The following NMBR variants were observed in gnomAD, a reference collection of about 807,000 sequenced individuals.
NMBR encodes neuromedin-B receptor.
Under a neutral mutation model 20.5 loss-of-function variants are expected in NMBR, and 16 were observed. The observed-to-expected ratio is 0.78, with a 90% CI of 0.53 to 1.19. The LOEUF (loss-of-function observed/expected upper bound fraction) is 1.19. Among genes scored for constraint, NMBR ranks in the 50% most tolerant of loss-of-function variants. The pLI is 0.00. For missense variants in NMBR, 582 were observed against 499.1 expected, an observed-to-expected ratio of 1.17 and a Z score of -1.58; for synonymous variants, 212 against 196.6, an observed-to-expected ratio of 1.08 and a Z score of -0.65.
At position 142,078,646 on chromosome 6, in the gene NMBR, A is replaced by C. The variant is rs745418456; in HGVS notation, c.680T>G (p.Ile227Ser). ...AATATGATAATAATAAATGCTAATA[A>C]TAGCAAGTGGTATGAGGAAATAGAC... is the stretch of plus-strand genomic sequence containing the variant. ...FLVYFLIPLAIISIYYYHIAK... is the reference protein window; with the variant it reads ...FLVYFLIPLASISIYYYHIAK... The change falls in exon 3 of 4, where the codon ATT (isoleucine) becomes AGT (serine). Residue 227 changes from isoleucine (I) to serine (S), a missense_variant. Transcript: ENST00000258042. The C allele has an allele frequency of 1.2e-6, 2 of 1,611,206 alleles. No individual in the cohort carries two copies.
At chr6:142,102,152 G>A (rs1478373971) in intron 1 of NMBR, among the ~76,000 whole-genome samples, 1 of 152,122 alleles carries the variant, frequency 6.6e-6, no homozygotes, top group Non-Finnish European at 1.5e-5. Context: ...ACTTTGGGAG[G>A]CTGAGGCAGG....
intron 2 of NMBR, among the ~76,000 whole-genome samples, chr6:142,085,290 G>A (rs1351585047): frequency 5.9e-5 from 9 of 152,206 alleles, no homozygotes; most frequent in South Asian, 2.1e-4. Context: ...TTGAGAAGCC[G>A]AGGTGGGCAG....
Position 142,088,674 on chromosome 6 carries a change from A to G in NMBR, c.-16T>C, listed in dbSNP as rs1475647484. ...TAGAGGGCATGATCTCCTTTCCAGCAGAGTCCGCTGGAGTTTTCACGCGCT... is the reference window on the plus strand; with the variant it reads ...TAGAGGGCATGATCTCCTTTCCAGCGGAGTCCGCTGGAGTTTTCACGCGCT... On this transcript the variant is annotated 5_prime_UTR_variant, in exon 2 of 4. Coordinates refer to ENST00000258042, the MANE Select transcript of NMBR (RefSeq NM_002511.4). The G allele has an allele frequency of 1.9e-6, 3 of 1,588,296 alleles. No individual in the cohort carries two copies. The highest frequency in any genetic ancestry group is 2.6e-6 in the Non-Finnish European group (3 of 1,172,532).
At chr6:142,091,843 T>C (rs1382368688) in intron 1 of NMBR, among the ~76,000 whole-genome samples, 1 of 152,230 alleles carries the variant, frequency 6.6e-6, no homozygotes, top group East Asian at 1.9e-4. Flanking sequence ...TTGTATATTT[T>C]ATTGCCCTAG....
rs35134315 is a variant in NMBR at position 142,075,109 on chromosome 6, T to TAC, written c.*537_*538dup. On this transcript the variant is annotated 3_prime_UTR_variant, in exon 4 of 4. Transcript: ENST00000258042. Reference sequence around the variant, plus strand: ...ACATATATACATATACATATATATATACACACACACACACACTCATGCAAT... The same window carrying TAC: ...ACATATATACATATACATATATATATACACACACACACACACACTCATGCAAT... Among the ~76,000 whole-genome samples, 75,883 of 149,822 alleles carry TAC rather than the reference T, an allele frequency of 0.51. 19,759 individuals carry two copies. The highest frequency in any genetic ancestry group is 0.75 in the East Asian group (3,788 of 5,050).
intron 1 of NMBR, among the ~76,000 whole-genome samples, chr6:142,145,148 C>T (rs1016528514): frequency 2.6e-5 from 4 of 151,750 alleles, no homozygotes; most frequent in African/African-American, 9.7e-5. Flanking sequence ...CTTATTTTTC[C>T]CTCAGTCCTG....
chr6:142,133,214 C>CA, intron 1 of NMBR: 1 of 648,716 alleles, frequency 1.5e-6, no homozygotes, highest in Non-Finnish European at 2.8e-6. Context: ...ATTATACAAA[C>CA]AAAAAATCAA....
chr6:142,128,142 G>A (rs980035035), intron 1 of NMBR, among the ~76,000 whole-genome samples: 5 of 151,976 alleles, frequency 3.3e-5, no homozygotes, highest in Non-Finnish European at 5.9e-5. Flanking sequence ...TTAAAAGTGT[G>A]TAGCAGCTCC....
intron 1 of NMBR, among the ~76,000 whole-genome samples, chr6:142,124,657 A>G (rs187338142): frequency 5.9e-5 from 9 of 152,046 alleles, no homozygotes; most frequent in Admixed American, 4.6e-4. Flanking sequence ...GAACTATTCA[A>G]AAAAGAAATT....
chr6:142,128,045 T>C (rs1778069047), intron 1 of NMBR, among the ~76,000 whole-genome samples: 1 of 152,068 alleles, frequency 6.6e-6, no homozygotes, highest in African/African-American at 2.4e-5. Flanking sequence ...AGGTGGGACC[T>C]GTGGGAGATG....
intron 1 of NMBR, chr6:142,134,591 C>G (rs1280492627): frequency 3.1e-6 from 2 of 651,306 alleles, no homozygotes; most frequent in Non-Finnish European, 5.5e-6. Context: ...CACCTTTATG[C>G]TGCATGTAAA....
At chr6:142,076,958 A>G (rs1776962298) in intron 3 of NMBR, among the ~76,000 whole-genome samples, 1 of 152,228 alleles carries the variant, frequency 6.6e-6, no homozygotes, top group African/African-American at 2.4e-5. Flanking sequence ...GATGGTAGGT[A>G]GCAATAGAGT....
In NMBR at chr6:142,088,605, G is replaced by C. The variant is rs1364220437; in HGVS notation, c.54C>G (p.Ser18Arg). The C allele has an allele frequency of 1.9e-6, 3 of 1,610,420 alleles. No individual in the cohort carries two copies. Among genetic ancestry groups the C allele is most frequent in the African/African-American group, 2.7e-5 (2 of 74,868 alleles). The change falls in exon 2 of 4, where the codon AGC becomes AGG. Residue 18 changes from serine to arginine, a missense_variant. Ser to Arg is a moderately radical substitution (Grantham distance 110, BLOSUM62 -1). Coordinates refer to ENST00000258042, the MANE Select transcript of NMBR (RefSeq NM_002511.4). ...TTTCCCACCCCTCGGGAACGGAACC[G>C]CTCTCATTCGCGCCGGTGGTCACCG... Reference protein sequence around the residue: ...NLSVTTGANESGSVPEGWERD... With the variant: ...NLSVTTGANERGSVPEGWERD...
intron 1 of NMBR, among the ~76,000 whole-genome samples, chr6:142,134,287 C>T (rs1008927817): frequency 6.6e-6 from 1 of 152,036 alleles, no homozygotes; most frequent in African/African-American, 2.4e-5. Flanking sequence ...GACTAGCTGT[C>T]TAATAAAATA....
intron 1 of NMBR, among the ~76,000 whole-genome samples, chr6:142,138,945 T>C (rs1052617684): frequency 6.6e-6 from 1 of 152,224 alleles, no homozygotes; most frequent in Non-Finnish European, 1.5e-5. Flanking sequence ...TAGTACTTAC[T>C]GAAAGGCCAG....
chr6:142,104,269 A>G (rs766962012), intron 1 of NMBR, among the ~76,000 whole-genome samples: 2 of 152,246 alleles, frequency 1.3e-5, no homozygotes, highest in African/African-American at 2.4e-5. Context: ...TTGATAGCAC[A>G]TAGCTAAACA....
chr6:142,075,013 A>G lies in NMBR; in HGVS notation c.*635T>C, dbSNP rs1487818951. Among the ~76,000 whole-genome samples the G allele has an allele frequency of 6.6e-6, 1 of 152,046 alleles. No individual in the cohort carries two copies. On this transcript the variant is annotated 3_prime_UTR_variant, in exon 4 of 4. Coordinates refer to ENST00000258042, the MANE Select transcript of NMBR (RefSeq NM_002511.4). ...ATGATTAATCACAGAATCACAATAAATACCAATTTGATTAAGCTCCACCTT... is the reference window on the plus strand; with the variant it reads ...ATGATTAATCACAGAATCACAATAAGTACCAATTTGATTAAGCTCCACCTT...
At chr6:142,139,909 C>G (rs1486552612) in intron 1 of NMBR, among the ~76,000 whole-genome samples, 1 of 152,136 alleles carries the variant, frequency 6.6e-6, no homozygotes, top group Non-Finnish European at 1.5e-5. Context: ...TAAACAATAT[C>G]TAACCATTTG....
intron 1 of NMBR, among the ~76,000 whole-genome samples, chr6:142,111,768 C>T (rs564982606): frequency 5.9e-5 from 9 of 152,294 alleles, no homozygotes; most frequent in Admixed American, 3.9e-4. Flanking sequence ...TGCATCAGTA[C>T]GCTCTAAGTA....
Sources: allele counts gnomAD v4.1 joint callset (sites outside exome capture counted in the v4.1 genomes callset), GRCh38; gene constraint gnomAD v4.1.1; transcripts MANE v1.5; gene names NCBI Gene and HGNC (gene_info 2026-07-23, HGNC 2026-07-21).